The following CLDND1 variants were observed in gnomAD, a reference collection of about 807,000 sequenced individuals.
CLDND1 encodes claudin domain containing 1.
A neutral mutation model predicts 26.3 loss-of-function variants in CLDND1; 13 were observed. The ratio of observed to expected loss-of-function variants is 0.49; its 90% CI spans 0.32 to 0.78. CLDND1 has a LOEUF of 0.78. Among genes scored for constraint, CLDND1 ranks in the 30% least tolerant of loss-of-function variants. The probability of loss-of-function intolerance (pLI) is 0.03; values close to 1 mark genes in which losing one functional copy is unlikely to be tolerated. For missense variants in CLDND1, 289 were observed against 312.8 expected, an observed-to-expected ratio of 0.92 and a Z score of 0.57; for synonymous variants, 107 against 107.0, an observed-to-expected ratio of 1.00 and a Z score of 0.00.
At chr3:98,521,938 G>T in intron 1 of CLDND1, 2 of 520,396 alleles carry the variant, frequency 3.8e-6, no homozygotes, top group South Asian at 5.7e-5. Flanking sequence ...ACAAAGGTAA[G>T]AGTCAGGAGC....
In CLDND1 at chr3:98,522,901, C is replaced by T. The variant is rs1706492130; in HGVS notation, c.-71G>A. Reference sequence around the variant, plus strand: ...ACCCTCTAGCTCAGACCACAGCACCCTACTCTCCCCGCGCCTCCTCTGACG... The same window carrying T: ...ACCCTCTAGCTCAGACCACAGCACCTTACTCTCCCCGCGCCTCCTCTGACG... On this transcript the variant is annotated 5_prime_UTR_variant, in exon 1 of 5. Coordinates refer to ENST00000341181, the MANE Select transcript of CLDND1 (RefSeq NM_001040181.2). The T allele has an allele frequency of 1.2e-6, 2 of 1,612,314 alleles. No homozygotes were observed. Among genetic ancestry groups the T allele is most frequent in the Non-Finnish European group, 1.7e-6 (2 of 1,179,128 alleles).
In CLDND1 at chr3:98,516,111, C is replaced by A; in HGVS notation, c.*548G>T. On this transcript the variant is annotated 3_prime_UTR_variant, in exon 5 of 5. Transcript: ENST00000341181. ...GTGCAGATACAAACAGCTGCCATAT[C>A]TCACCTCAGATGAAGCTATGTGTCA... is the stretch of plus-strand genomic sequence containing the variant. 1 of 1,081,778 alleles carries A rather than the reference C, an allele frequency of 9.2e-7. No individual in the cohort carries two copies. Among genetic ancestry groups the A allele is most frequent in the Non-Finnish European group, 1.1e-6 (1 of 882,966 alleles). 67.0% of individuals were successfully genotyped at this position (1,081,778 alleles called of 1,614,324 possible). A position where few individuals can be genotyped will look rare whatever the true frequency, so the allele number is the denominator to read the frequency against.
Position 98,518,777 on chromosome 3 carries a change from C to T in CLDND1, c.403+108G>A, listed in dbSNP as rs13320314. 445 of 687,818 alleles carry T rather than the reference C, an allele frequency of 6.5e-4. 1 individual carries two copies. The highest frequency in any genetic ancestry group is 8.5e-4 in the Non-Finnish European group (325 of 380,558). The allele number at this position is 687,818 out of a possible 1,614,324, so 42.6% of individuals were successfully genotyped here. ...GGATACTGTTAGAGATTTTATTTCA[C>T]GTTGGCACAATCTACTAACTCATCT... On this transcript the variant is annotated intron_variant, in intron 3 of 4. Coordinates refer to ENST00000341181, the MANE Select transcript of CLDND1 (RefSeq NM_001040181.2).
At chr3:98,517,284 C>T (rs1424988840) in intron 3 of CLDND1, 95 bp from the exon 4 acceptor site, 101 of 1,403,506 alleles carry the variant, frequency 7.2e-5, no homozygotes, top group Non-Finnish European at 9.6e-5. Context: ...TAGATCTTTT[C>T]TCAAAAAGTG....
At position 98,515,601 on chromosome 3, in the gene CLDND1, T is replaced by C. The variant is rs1706102723; in HGVS notation, c.*1058A>G. ...CAGTAGTGGAATAAATAAATAAGTT[T>C]TTTAAAGTTCAATGTTTATAGACAT... is the stretch of plus-strand genomic sequence containing the variant. On this transcript the variant is annotated 3_prime_UTR_variant, in exon 5 of 5. Coordinates refer to ENST00000341181, the MANE Select transcript of CLDND1 (RefSeq NM_001040181.2). 9.3e-7 allele frequency: 1 copy of C among 1,077,052 alleles called. No homozygotes were observed. Among genetic ancestry groups the C allele is most frequent in the Non-Finnish European group, 1.2e-6 (1 of 865,722 alleles). The allele number at this position is 1,077,052 out of a possible 1,614,324, so 66.7% of individuals were successfully genotyped here.
chr3:98,517,613 T>C (rs1037115102), intron 3 of CLDND1, among the ~76,000 whole-genome samples: 2 of 152,222 alleles, frequency 1.3e-5, no homozygotes, highest in Non-Finnish European at 2.9e-5. Flanking sequence ...GCATTTATAT[T>C]GTATTGGGTA....
rs1706146304 is a variant in CLDND1 at position 98,516,545 on chromosome 3, A to G, written c.*114T>C. On this transcript the variant is annotated 3_prime_UTR_variant, in exon 5 of 5. Coordinates refer to ENST00000341181, the MANE Select transcript of CLDND1 (RefSeq NM_001040181.2). ...ATGTGTATAAATAAAATAGATTTTC[A>G]TAATAAAATGGTATATCCACAAATA... is the stretch of plus-strand genomic sequence containing the variant. 1 of 1,428,008 alleles carries G rather than the reference A, an allele frequency of 7.0e-7. No individual in the cohort carries two copies. The highest frequency in any genetic ancestry group is 9.2e-7 in the Non-Finnish European group (1 of 1,084,768). The allele number at this position is 1,428,008 out of a possible 1,614,324, so 88.5% of individuals were successfully genotyped here. A position where few individuals can be genotyped will look rare whatever the true frequency, so the allele number is the denominator to read the frequency against.
rs766035742 is a variant in CLDND1, at chr3:98,516,654, C to CT, written c.*4dup. On this transcript the variant is annotated 3_prime_UTR_variant, in exon 5 of 5. Transcript: ENST00000341181. Reference sequence around the variant, plus strand: ...ATGGCAATTGTAAAGCAGGCAGTTTCTTGCTCATGCCACACGATATGCCTT... The same window carrying CT: ...ATGGCAATTGTAAAGCAGGCAGTTTCTTTGCTCATGCCACACGATATGCCTT... The CT allele has an allele frequency of 1.2e-5, 19 of 1,606,986 alleles. No individual in the cohort carries two copies. The highest frequency in any genetic ancestry group is 1.6e-5 in the Non-Finnish European group (19 of 1,177,374).
chr3:98,521,752 A>T, intron 1 of CLDND1: 1 of 1,483,336 alleles, frequency 6.7e-7, no homozygotes, highest in South Asian at 1.1e-5. Flanking sequence ...GATACAAACA[A>T]TAGACATGCC....
chr3:98,522,686 A>C, intron 1 of CLDND1, 163 bp downstream of exon 1: 1 of 1,458,438 alleles, frequency 6.9e-7, no homozygotes. Context: ...GTCCCCCGGT[A>C]CCCGACCAGG....
In CLDND1 at chr3:98,517,082, T is replaced by C. The variant is rs1706173953; in HGVS notation, c.511A>G (p.Ile171Val). The C allele has an allele frequency of 1.4e-5, 22 of 1,613,960 alleles. No individual in the cohort carries two copies. The highest frequency in any genetic ancestry group is 1.6e-5 in the Non-Finnish European group (19 of 1,180,012). Residue 171 changes from isoleucine (I) to valine (V), a missense_variant, in exon 4 of 5, where the codon ATT becomes GTT. Physicochemically the swap from Ile to Val is conservative, Grantham distance 29. Coordinates refer to ENST00000341181, the MANE Select transcript of CLDND1 (RefSeq NM_001040181.2). ...AGGAGATGGAGAATGCCCGTGGCAA[T>C]GGTGGGATATAAGCTTCGGCAAATG... ...ACICRSLYPTIATGILHLLAG... is the reference protein window; with the variant it reads ...ACICRSLYPTVATGILHLLAG...
In CLDND1 at chr3:98,521,164, G is replaced by A. The variant is rs1055405703; in HGVS notation, c.261C>T (p.Asn87=). 1.2e-6 allele frequency: 2 copies of A among 1,613,848 alleles called. No individual in the cohort carries two copies. The highest frequency in any genetic ancestry group is 2.7e-5 in the African/African-American group (2 of 74,946). Residue 87 remains asparagine (N), a synonymous_variant, in exon 2 of 5, where the codon AAC becomes AAT. Coordinates refer to ENST00000341181, the MANE Select transcript of CLDND1 (RefSeq NM_001040181.2). ...LWRRCITIPK[N]MHWYSPPERT... The stretch of plus-strand genomic sequence containing the variant: ...TTTCTGGTGGGCTATACCAATGCAT[G>A]TTTTTGGGTATGGTGATACACCGTC...
chr3:98,518,905 C>G lies in CLDND1; in HGVS notation c.383G>C (p.Gly128Ala). ...CTCACAGGTCCTAAGGAGATCAATC[C>G]CGCTATTGTGGTTTCCGGGATCAAC... ...KFVDPGNHNS[G>A]IDLLRTYLWR... The change falls in exon 3 of 5, where the codon GGG (glycine) becomes GCG (alanine). Residue 128 changes from glycine to alanine, a missense_variant. By Grantham distance (60) the Gly-to-Ala change is moderately conservative (BLOSUM62 0). Transcript: ENST00000341181. The G allele has an allele frequency of 1.2e-6, 2 of 1,609,704 alleles. No homozygotes were observed. Among genetic ancestry groups the G allele is most frequent in the Non-Finnish European group, 1.7e-6 (2 of 1,176,072 alleles).
At chr3:98,519,556 C>G (rs1472560719) in intron 2 of CLDND1, among the ~76,000 whole-genome samples, 1 of 152,214 alleles carries the variant, frequency 6.6e-6, no homozygotes, top group African/African-American at 2.4e-5. Context: ...CTTCTAGTTT[C>G]CACCTTTGTC....
intron 1 of CLDND1, chr3:98,522,424 T>G: frequency 3.3e-6 from 2 of 607,408 alleles, no homozygotes; most frequent in East Asian, 1.0e-4. Flanking sequence ...GTTGCTGAGT[T>G]TGGAAAATGG....
chr3:98,522,775 C>A (rs1706483174), intron 1 of CLDND1, 74 bp downstream of exon 1: 1 of 1,612,074 alleles, frequency 6.2e-7, no homozygotes, highest in Non-Finnish European at 8.5e-7. Context: ...GGGAAGGGGG[C>A]CCCTCTTCAA....
At chr3:98,522,670 G>GCCAGGGTCCCCCGGTACCCGA (rs1288110881) in intron 1 of CLDND1, 179 bp downstream of exon 1, 1 of 1,438,190 alleles carries the variant, frequency 7.0e-7, no homozygotes, top group African/African-American at 1.5e-5. Flanking sequence ...TCGGCCCCGG[G>GCCAGGGTCCCCCGGTACCCGA]CCAGGGTCCC....
At position 98,521,371 on chromosome 3, in the gene CLDND1, A is replaced by G; in HGVS notation, c.54T>C (p.Ile18=). The change falls in exon 2 of 5, where the codon ATT becomes ATC. Residue 18 remains isoleucine, a synonymous_variant. Transcript: ENST00000341181. ...TGGAGGCTGCCATGTAGATGGTGGAAATGAGGCTAAGCACACAAGCAATTA... is the reference window on the plus strand; with the variant it reads ...TGGAGGCTGCCATGTAGATGGTGGAGATGAGGCTAAGCACACAAGCAATTA... ...AFVIACVLSL[I]STIYMAASIG... is the part of the protein sequence containing the mutation. The G allele has an allele frequency of 6.2e-7, 1 of 1,614,216 alleles. No individual in the cohort carries two copies. Among genetic ancestry groups the G allele is most frequent in the Non-Finnish European group, 8.5e-7 (1 of 1,180,028 alleles).
At position 98,516,054 on chromosome 3, in the gene CLDND1, A is replaced by C; in HGVS notation, c.*605T>G. On this transcript the variant is annotated 3_prime_UTR_variant, in exon 5 of 5. Transcript: ENST00000341181. Reference sequence around the variant, plus strand: ...TACAAAGTTAAAATTTCAAGTAAACACTGTATTTTTCACTTTTTGTAGACA... The same window carrying C: ...TACAAAGTTAAAATTTCAAGTAAACCCTGTATTTTTCACTTTTTGTAGACA... The C allele has an allele frequency of 8.6e-7, 1 of 1,158,380 alleles. No individual in the cohort carries two copies. The highest frequency in any genetic ancestry group is 1.1e-6 in the Non-Finnish European group (1 of 927,066). The allele number at this position is 1,158,380 out of a possible 1,614,324, so 71.8% of individuals were successfully genotyped here.
Sources: allele counts gnomAD v4.1 joint callset (sites outside exome capture counted in the v4.1 genomes callset), GRCh38; gene constraint gnomAD v4.1.1; transcripts MANE v1.5; gene names NCBI Gene and HGNC (gene_info 2026-07-23, HGNC 2026-07-21).